The following PXDNL variants were observed in gnomAD, a reference collection of about 807,000 sequenced individuals.
PXDNL encodes peroxidasin like.
A neutral mutation model predicts 150.8 loss-of-function variants in PXDNL; 145 were observed. The ratio of observed to expected loss-of-function variants is 0.96; its 90% CI spans 0.84 to 1.10. The LOEUF (loss-of-function observed/expected upper bound fraction) is 1.10. PXDNL is among the 50% of genes least tolerant of loss of function. The pLI, the probability that PXDNL is intolerant of heterozygous loss-of-function variation, is 0.00. For synonymous variants in PXDNL, 757 were observed against 725.7 expected (o/e 1.04, Z -0.69); for missense variants, 2,087 against 1,873.9 (o/e 1.11, Z -2.10).
intron 1 of PXDNL, among the ~76,000 whole-genome samples, chr8:51,741,762 G>C (rs115440423): frequency 4.7e-4 from 72 of 152,228 alleles, no homozygotes; most frequent in African/African-American, 1.6e-3. Context: ...TCAGTGATGC[G>C]GGTGAACTGA....
At chr8:51,620,250 T>G (rs1479866564) in intron 2 of PXDNL, among the ~76,000 whole-genome samples, 1 of 152,140 alleles carries the variant, frequency 6.6e-6, no homozygotes, top group Non-Finnish European at 1.5e-5. Context: ...GGCCATATCT[T>G]TTAGATATCC....
chr8:51,467,668 T>C (rs1810231755), intron 8 of PXDNL, among the ~76,000 whole-genome samples: 1 of 152,070 alleles, frequency 6.6e-6, no homozygotes, highest in Admixed American at 6.6e-5. Flanking sequence ...TAAATCTCTT[T>C]CATCAAGTCA....
At chr8:51,650,523 T>C (rs1362264038) in intron 2 of PXDNL, among the ~76,000 whole-genome samples, 1 of 152,184 alleles carries the variant, frequency 6.6e-6, no homozygotes, top group Non-Finnish European at 1.5e-5. Flanking sequence ...TTTTTTACAT[T>C]GCCTTACCAT....
intron 8 of PXDNL, among the ~76,000 whole-genome samples, chr8:51,467,569 T>C (rs1180368188): frequency 1.3e-5 from 2 of 152,076 alleles, no homozygotes; most frequent in Non-Finnish European, 2.9e-5. Context: ...CTCAGCATCA[T>C]GTAGTATACC....
Position 51,339,725 on chromosome 8 carries a change from C to T in PXDNL, c.4045G>A (p.Asp1349Asn). 1 of 1,612,930 alleles carries T rather than the reference C, an allele frequency of 6.2e-7. No individual in the cohort carries two copies. Among genetic ancestry groups the T allele is most frequent in the Non-Finnish European group, 8.5e-7 (1 of 1,179,500 alleles). Residue 1349 changes from aspartate to asparagine, a missense_variant, in exon 21 of 23, where the codon GAT (aspartate) becomes AAT (asparagine). Physicochemically the swap from Asp to Asn is conservative, Grantham distance 23. Transcript: ENST00000356297. ...GCCAGAACTGTCACATTTCTAGCAT[C>T]TTCACCCACATATATTTTATCTTGT... ...RQQDKIYVGE[D>N]ARNVTVLAKT... is the part of the protein sequence containing the mutation.
chr8:51,472,823 C>T (rs1272420933), intron 7 of PXDNL, among the ~76,000 whole-genome samples: 1 of 152,072 alleles, frequency 6.6e-6, no homozygotes, highest in East Asian at 1.9e-4. Context: ...CATGAAAACA[C>T]TTAAATTATT....
intron 19 of PXDNL, among the ~76,000 whole-genome samples, chr8:51,357,557 A>T (rs1806550670): frequency 6.6e-6 from 1 of 152,252 alleles, no homozygotes. Context: ...ATTTAGATGC[A>T]ACTTGCTCAT....
intron 3 of PXDNL, among the ~76,000 whole-genome samples, chr8:51,566,727 C>A (rs73588718): frequency 0.071 from 10,699 of 150,180 alleles, 950 homozygotes; most frequent in African/African-American, 0.22. Flanking sequence ...ACAATTTTTT[C>A]AAAGAACCAG....
At chr8:51,568,669 T>C (rs1380659115) in intron 3 of PXDNL, among the ~76,000 whole-genome samples, 4 of 151,896 alleles carry the variant, frequency 2.6e-5, no homozygotes, top group African/African-American at 7.2e-5. Context: ...TTATCAGCCA[T>C]TATTACTTCA....
At chr8:51,759,384 C>G (rs1371158463) in intron 1 of PXDNL, among the ~76,000 whole-genome samples, 1 of 152,176 alleles carries the variant, frequency 6.6e-6, no homozygotes, top group African/African-American at 2.4e-5. Flanking sequence ...ACCAGTGCCC[C>G]CTCACTGCAC....
intron 2 of PXDNL, among the ~76,000 whole-genome samples, chr8:51,650,064 C>T (rs890558537): frequency 7.2e-6 from 1 of 138,754 alleles, no homozygotes; most frequent in African/African-American, 2.7e-5. Flanking sequence ...GATCTGCTAC[C>T]GTACTCCAGC....
chr8:51,436,087 G>T, intron 12 of PXDNL: 1 of 511,788 alleles, frequency 2.0e-6, no homozygotes. Context: ...CCTTTTGAAA[G>T]GTTCTTGCCC....
chr8:51,426,756 G>A lies in PXDNL; in HGVS notation c.1528C>T (p.Leu510Phe), dbSNP rs1279170203. ...TGAGGAAGTTGAGTAAACACTGCAAGAGCTGTGGAAACAAACCAAAATAAC... is the reference window on the plus strand; with the variant it reads ...TGAGGAAGTTGAGTAAACACTGCAAAAGCTGTGGAAACAAACCAAAATAAC... Reference protein sequence around the residue: ...SVQLTVKPKALAVFTQLPQDT... With the variant: ...SVQLTVKPKAFAVFTQLPQDT... The change falls in exon 13 of 23, where the codon CTT (leucine) becomes TTT (phenylalanine). Residue 510 changes from leucine to phenylalanine, a missense_variant and splice_region_variant. Coordinates refer to ENST00000356297, the MANE Select transcript of PXDNL (RefSeq NM_144651.5). 1.3e-6 allele frequency: 2 copies of A among 1,569,932 alleles called. No individual in the cohort carries two copies. The highest frequency in any genetic ancestry group is 1.7e-6 in the Non-Finnish European group (2 of 1,149,580).
At chr8:51,645,833 C>A (rs1019224223) in intron 2 of PXDNL, among the ~76,000 whole-genome samples, 1 of 152,014 alleles carries the variant, frequency 6.6e-6, no homozygotes, top group African/African-American at 2.4e-5. Flanking sequence ...TACGTGAAAT[C>A]GCAGTTCAAA....
chr8:51,766,806 A>C (rs1427620457), intron 1 of PXDNL, among the ~76,000 whole-genome samples: 2 of 151,998 alleles, frequency 1.3e-5, no homozygotes, highest in Non-Finnish European at 2.9e-5. Flanking sequence ...CGCTGAGTTT[A>C]TCCTACTTGG....
Position 51,472,216 on chromosome 8 carries a change from G to T in PXDNL, c.783C>A (p.Pro261=). ...TGTGTATCCAAATAATCTCAGGTTT[G>T]GGGTTTCCTTCCGCCCGGCAGGTGA... ...VYFTCRAEGN[P]KPEIIWIHNN... Residue 261 remains proline, a synonymous_variant, in exon 8 of 23, where the codon CCC becomes CCA. Coordinates refer to ENST00000356297, the MANE Select transcript of PXDNL (RefSeq NM_144651.5). 6.2e-7 allele frequency: 1 copy of T among 1,613,066 alleles called. No homozygotes were observed. Among genetic ancestry groups the T allele is most frequent in the Non-Finnish European group, 8.5e-7 (1 of 1,179,174 alleles).
intron 3 of PXDNL, among the ~76,000 whole-genome samples, chr8:51,585,910 T>C (rs1813313655): frequency 6.6e-6 from 1 of 152,102 alleles, no homozygotes; most frequent in Non-Finnish European, 1.5e-5. Context: ...TTTGAGTTCC[T>C]ACTGCATAAT....
intron 4 of PXDNL, among the ~76,000 whole-genome samples, chr8:51,501,225 T>A (rs1163157463): frequency 3.9e-5 from 6 of 152,200 alleles, no homozygotes. Flanking sequence ...TAATTGCCTT[T>A]GGGTTAGCAT....
At chr8:51,324,265 C>T (rs987374704) in intron 21 of PXDNL, among the ~76,000 whole-genome samples, 1 of 152,134 alleles carries the variant, frequency 6.6e-6, no homozygotes, top group African/African-American at 2.4e-5. Context: ...ATCTATAGGC[C>T]TTTTCATTTT....
Sources: gnomAD v4.1 joint callset for allele counts (sites outside exome capture counted in the v4.1 genomes callset) on GRCh38, gnomAD v4.1.1 for gene constraint, MANE v1.5 for transcripts, NCBI Gene and HGNC (gene_info 2026-07-23, HGNC 2026-07-21) for gene names.